The following DDX52 variants were observed in gnomAD, a reference collection of about 807,000 sequenced individuals.
DDX52 encodes the protein DExD-box helicase 52.
A neutral mutation model predicts 76.1 loss-of-function variants in DDX52; 59 were observed. The observed-to-expected ratio is 0.78, with a 90% confidence interval of 0.63 to 0.96. The LOEUF is 0.96. Ranked by LOEUF, DDX52 falls within the 40% of genes least tolerant of loss-of-function variation. The pLI, the probability that DDX52 is intolerant of heterozygous loss-of-function variation, is 0.00. For missense variants in DDX52, 707 were observed against 703.9 expected, an observed-to-expected ratio of 1.00 and a Z score of -0.05; for synonymous variants, 231 against 244.1, an observed-to-expected ratio of 0.95 and a Z score of 0.50.
Position 37,621,398 on chromosome 17 carries a change from CTGT to C in DDX52, c.1347_1349del (p.Gln450del). 1.9e-6 allele frequency: 3 copies of C among 1,609,464 alleles called. No individual in the cohort carries two copies. Among genetic ancestry groups the C allele is most frequent in the East Asian group, 2.2e-5 (1 of 44,816 alleles). On this transcript the variant is annotated inframe_deletion and splice_region_variant, in exon 10 of 15. Transcript: ENST00000617633. Reference sequence around the variant, plus strand: ...TTTCAAAGTATATATTTGACTTTACCTGTTGTTGTGTTCTCTCTGCATGAATAA... The same window carrying C: ...TTTCAAAGTATATATTTGACTTTACCTGTTGTGTTCTCTCTGCATGAATAA...
At position 37,614,248 on chromosome 17, in the gene DDX52, T is replaced by C. The variant is rs2064399348; in HGVS notation, c.*48A>G. ...TATTCCATGAAAATAACATTCATGC[T>C]GGGATCATAAAATTACATTTCTGGG... is the stretch of plus-strand genomic sequence containing the variant. On this transcript the variant is annotated 3_prime_UTR_variant, in exon 15 of 15. Transcript: ENST00000617633. The C allele has an allele frequency of 6.3e-7, 1 of 1,577,786 alleles. No homozygotes were observed. The highest frequency in any genetic ancestry group is 8.7e-7 in the Non-Finnish European group (1 of 1,155,840).
At position 37,643,428 on chromosome 17, in the gene DDX52, C is replaced by T; in HGVS notation, c.-8G>A. ...GAGATCGTGGACGTCCATCTTTACC[C>T]AGAAAGCGCCACAGTTCTACGGCGC... On this transcript the variant is annotated 5_prime_UTR_variant, in exon 1 of 15. Coordinates refer to ENST00000617633, the MANE Select transcript of DDX52 (RefSeq NM_007010.5). The T allele has an allele frequency of 6.2e-7, 1 of 1,613,706 alleles. No homozygotes were observed. Among genetic ancestry groups the T allele is most frequent in the Non-Finnish European group, 8.5e-7 (1 of 1,179,858 alleles).
rs577284518 is a variant in DDX52, at chr17:37,610,044, A to G, written c.*4252T>C. ...ACCTTACAGTCCTTTTGTTTTTCCT[A>G]TTCTTGCAGGCAAGTGCAAAACAGT... On this transcript the variant is annotated 3_prime_UTR_variant, in exon 15 of 15. Coordinates refer to ENST00000617633, the MANE Select transcript of DDX52 (RefSeq NM_007010.5). 3 of 152,062 alleles carry G rather than the reference A, an allele frequency of 2.0e-5. No individual in the cohort carries two copies. Among genetic ancestry groups the G allele is most frequent in the Non-Finnish European group, 4.4e-5 (3 of 68,034 alleles). The allele number at this position is 152,062 out of a possible 1,614,324, so 9.4% of individuals were successfully genotyped here. A position where few individuals can be genotyped will look rare whatever the true frequency, so the allele number is the denominator to read the frequency against.
chr17:37,622,224 A>G (rs2147342926), intron 9 of DDX52, among the ~76,000 whole-genome samples: 1 of 152,048 alleles, frequency 6.6e-6, no homozygotes, highest in East Asian at 1.9e-4. Flanking sequence ...TTACATTTAC[A>G]CTATCAAACC....
intron 9 of DDX52, 111 bp from the exon 10 acceptor site, chr17:37,621,631 T>C: frequency 1.4e-6 from 2 of 1,398,482 alleles, no homozygotes; most frequent in Non-Finnish European, 1.9e-6. Context: ...GTGTACTTTC[T>C]TGGCCAAATT....
At chr17:37,639,740 C>CAA (rs35776677) in intron 2 of DDX52, among the ~76,000 whole-genome samples, 8 of 108,632 alleles carry the variant, frequency 7.4e-5, no homozygotes, top group African/African-American at 1.1e-4. Flanking sequence ...GACTCAGTCT[C>CAA]AAAAAAAAAA....
chr17:37,620,950 T>A lies in DDX52; in HGVS notation c.1502-2A>T. The A allele has an allele frequency of 6.3e-7, 1 of 1,585,168 alleles. No individual in the cohort carries two copies. The highest frequency in any genetic ancestry group is 2.0e-5 in the Admixed American group (1 of 49,960). ...TATTCCCTGCTCTTCCAGTTCGACC[T>A]AAGAAAAATTAGACCATTAAAAAAC... On this transcript the variant is annotated splice_acceptor_variant, in intron 11 of 14. Transcript: ENST00000617633. LOFTEE classifies it high-confidence loss of function.
chr17:37,642,621 G>A (rs1257055005), intron 1 of DDX52: 9 of 307,634 alleles, frequency 2.9e-5, no homozygotes. Context: ...GAAAACCAAG[G>A]CATTCGGAAA....
At chr17:37,614,992 A>C (rs953255325) in intron 14 of DDX52, 2 of 152,260 alleles carry the variant, frequency 1.3e-5, no homozygotes, top group African/African-American at 4.8e-5. Flanking sequence ...TAGATATTAG[A>C]ACCAGTTCTT....
Position 37,626,095 on chromosome 17 carries a change from A to G in DDX52, c.936T>C (p.Val312=). The change falls in exon 8 of 15, where the codon GTT becomes GTC. Residue 312 remains valine (V), a synonymous_variant. Coordinates refer to ENST00000617633, the MANE Select transcript of DDX52 (RefSeq NM_007010.5). Reference sequence around the variant, plus strand: ...CTGATTCGTCTACTACAAGCCACTCAACACTAAGAAATAACAAAACAACTT... The same window carrying G: ...CTGATTCGTCTACTACAAGCCACTCGACACTAAGAAATAACAAAACAACTT... ...QDPPGIDLAS[V]EWLVVDESDK... 13 of 1,614,170 alleles carry G rather than the reference A, an allele frequency of 8.1e-6. No homozygotes were observed. Among genetic ancestry groups the G allele is most frequent in the Non-Finnish European group, 1.0e-5 (12 of 1,180,014 alleles).
intron 9 of DDX52, 120 bp downstream of exon 9, chr17:37,624,224 T>G (rs192286428): frequency 4.6e-4 from 276 of 606,404 alleles, no homozygotes; most frequent in Non-Finnish European, 6.7e-4. Context: ...AATTTACCAA[T>G]GGATTACTGA....
intron 4 of DDX52, chr17:37,631,299 T>C (rs2147357838): frequency 6.6e-6 from 1 of 152,362 alleles, no homozygotes; most frequent in African/African-American, 2.4e-5. Flanking sequence ...TACTACTTGG[T>C]AACAAACTAT....
At position 37,637,706 on chromosome 17, in the gene DDX52, C is replaced by G. The variant is rs548448818; in HGVS notation, c.287-4288G>C. On this transcript the variant is annotated intron_variant, in intron 2 of 14. Coordinates refer to ENST00000617633, the MANE Select transcript of DDX52 (RefSeq NM_007010.5). Reference sequence around the variant, plus strand: ...TCTCCTGCCTCAGCCTCCCAGGTAGCTGAGATTATAGGCATGCGCCACCAC... The same window carrying G: ...TCTCCTGCCTCAGCCTCCCAGGTAGGTGAGATTATAGGCATGCGCCACCAC... Among the ~76,000 whole-genome samples the G allele has an allele frequency of 2.0e-5, 3 of 151,202 alleles. No individual in the cohort carries two copies. In the South Asian group the frequency reaches 6.3e-4, roughly 32 times the overall value.
Position 37,618,942 on chromosome 17 carries a change from T to G in DDX52, c.1650-558A>C, listed in dbSNP as rs1354619565. On this transcript the variant is annotated intron_variant, in intron 13 of 14. Transcript: ENST00000617633. ...TACTGACTGTGATTAAAATATGTCC[T>G]GTGCCAACCTTATATCCTGTGTCAA... Among the ~76,000 whole-genome samples the G allele has an allele frequency of 3.9e-5, 6 of 152,376 alleles. No homozygotes were observed. In the East Asian group the frequency reaches 1.2e-3, roughly 29 times the overall value.
chr17:37,641,674 T>C (rs1012753289), intron 2 of DDX52, among the ~76,000 whole-genome samples: 1 of 151,932 alleles, frequency 6.6e-6, no homozygotes, highest in Non-Finnish European at 1.5e-5. Flanking sequence ...GAGGCAGAGG[T>C]TGCAGTGAGC....
intron 7 of DDX52, 100 bp from the exon 8 acceptor site, chr17:37,626,198 A>G: frequency 8.0e-7 from 1 of 1,245,834 alleles, no homozygotes. Flanking sequence ...TCAAACTATA[A>G]TGCTGCTTCT....
chr17:37,641,419 G>A (rs976700327), intron 2 of DDX52, among the ~76,000 whole-genome samples: 1 of 150,894 alleles, frequency 6.6e-6, no homozygotes, highest in Non-Finnish European at 1.5e-5. Flanking sequence ...AAAAATGCTC[G>A]ACCTCACCAG....
intron 12 of DDX52, 28 bp from the exon 13 acceptor site, chr17:37,619,867 T>C: frequency 6.2e-7 from 1 of 1,605,046 alleles, no homozygotes; most frequent in African/African-American, 1.3e-5. Flanking sequence ...AAACATAAAC[T>C]TGTATCTTTG....
intron 9 of DDX52, among the ~76,000 whole-genome samples, 194 bp from the exon 10 acceptor site, chr17:37,621,714 T>G (rs749990684): frequency 1.1e-4 from 17 of 152,214 alleles, no homozygotes; most frequent in Non-Finnish European, 2.5e-4. Flanking sequence ...CCACTCAACT[T>G]GAAATATATT....
Sources: gnomAD v4.1 joint callset for allele counts (sites outside exome capture counted in the v4.1 genomes callset) on GRCh38, gnomAD v4.1.1 for gene constraint, MANE v1.5 for transcripts, NCBI Gene and HGNC (gene_info 2026-07-23, HGNC 2026-07-21) for gene names.